Variants in POPDC3 observed in about 807,000 individuals in gnomAD.
The protein encoded by POPDC3 is popeye domain-containing protein 3.
Under a neutral mutation model 28.2 loss-of-function variants are expected in POPDC3, and 20 were observed. That is an observed-to-expected ratio of 0.71 (90% confidence interval 0.50 to 1.03). The LOEUF (loss-of-function observed/expected upper bound fraction) is 1.03, where lower values mean the gene tolerates loss of function less well. Ranked by LOEUF, POPDC3 falls within the 50% of genes least tolerant of loss-of-function variation. The probability of loss-of-function intolerance (pLI) is 0.00; values close to 1 mark genes in which losing one functional copy is unlikely to be tolerated. For synonymous variants in POPDC3, 118 were observed against 124.1 expected (o/e 0.95, Z 0.33); for missense variants, 316 against 345.9 (o/e 0.91, Z 0.69).
chr6:105,159,776 GGAA>G lies in POPDC3; in HGVS notation c.526_528del (p.Phe176del). ...TCAGGAGAATCCAGGAACTGAAGGG[GGAA>G]AATGTAATGCAGAAATTCGCCATCA... On this transcript the variant is annotated inframe_deletion, in exon 3 of 4. Transcript: ENST00000254765. 1 of 1,612,798 alleles carries G rather than the reference GGAA, an allele frequency of 6.2e-7. No individual in the cohort carries two copies. Among genetic ancestry groups the G allele is most frequent in the Non-Finnish European group, 8.5e-7 (1 of 1,179,262 alleles).
At chr6:105,167,844 C>T (rs753673114) in intron 1 of POPDC3, among the ~76,000 whole-genome samples, 1 of 151,746 alleles carries the variant, frequency 6.6e-6, no homozygotes, top group Non-Finnish European at 1.5e-5. Context: ...TAAGTAAAAC[C>T]TATTATTAAA....
intron 2 of POPDC3, among the ~76,000 whole-genome samples, chr6:105,161,037 C>T (rs1447132572): frequency 6.6e-6 from 1 of 152,156 alleles, no homozygotes; most frequent in Non-Finnish European, 1.5e-5. Context: ...TAAATGTTTT[C>T]TGTTACTTAA....
intron 1 of POPDC3, chr6:105,178,619 A>T: frequency 9.1e-6 from 4 of 441,288 alleles, no homozygotes; most frequent in Non-Finnish European, 1.2e-5. Context: ...CAGATTTTTC[A>T]GGACAGAACC....
chr6:105,167,498 C>T (rs1435527365), intron 1 of POPDC3, among the ~76,000 whole-genome samples: 1 of 152,038 alleles, frequency 6.6e-6, no homozygotes, highest in African/African-American at 2.4e-5. Flanking sequence ...TGTAATCCCA[C>T]CACTTTGGGA....
At position 105,158,628 on chromosome 6, in the gene POPDC3, C is replaced by T; in HGVS notation, c.718G>A (p.Ala240Thr). 1 of 1,614,054 alleles carries T rather than the reference C, an allele frequency of 6.2e-7. No homozygotes were observed. The highest frequency in any genetic ancestry group is 8.5e-7 in the Non-Finnish European group (1 of 1,179,990). ...TCATTCAAGGCATAGAGTTTATCTGCAATGTCACTGCCAATTAGCACTGAA... is the reference window on the plus strand; with the variant it reads ...TCATTCAAGGCATAGAGTTTATCTGTAATGTCACTGCCAATTAGCACTGAA... ...LFSVLIGSDI[A>T]DKLYALNDRV... The change falls in exon 4 of 4, where the codon GCA (alanine) becomes ACA (threonine). Residue 240 changes from alanine (A) to threonine (T), a missense_variant. Ala to Thr is a moderately conservative substitution (Grantham distance 58). Transcript: ENST00000254765.
chr6:105,173,419 C>G (rs1468993368), intron 1 of POPDC3, among the ~76,000 whole-genome samples: 3 of 152,166 alleles, frequency 2.0e-5, no homozygotes, highest in Non-Finnish European at 4.4e-5. Flanking sequence ...AACTTGAATT[C>G]TAACACCACC....
At chr6:105,161,325 C>A in intron 2 of POPDC3, 100 bp downstream of exon 2, 2 of 1,363,494 alleles carry the variant, frequency 1.5e-6, no homozygotes, top group Non-Finnish European at 2.0e-6. Flanking sequence ...GTGCTAAATG[C>A]CACCCAGGAC....
At chr6:105,175,499 C>T (rs140731677) in intron 1 of POPDC3, among the ~76,000 whole-genome samples, 124 of 150,974 alleles carry the variant, frequency 8.2e-4, no homozygotes, top group African/African-American at 2.8e-3. Context: ...GATCATGCCA[C>T]TACAGTCCAG....
At chr6:105,176,563 CGT>C (rs1491561690) in intron 1 of POPDC3, among the ~76,000 whole-genome samples, 3 of 151,354 alleles carry the variant, frequency 2.0e-5, no homozygotes, top group Admixed American at 6.6e-5. Flanking sequence ...TTTGACATAT[CGT>C]TTTTTTTTTA....
chr6:105,163,933 G>A (rs748403126), intron 1 of POPDC3, among the ~76,000 whole-genome samples: 2 of 151,996 alleles, frequency 1.3e-5, no homozygotes, highest in African/African-American at 4.8e-5. Flanking sequence ...TTGAAGACAG[G>A]CCAGCATCCT....
In POPDC3 at chr6:105,168,554, A is replaced by G. The variant is rs1482739536; in HGVS notation, c.-251-6394T>C. ...CTCTCATTTTATCACATACAGTGGT[A>G]GGCAGAATTCTAAGATGCTCTCAAC... On this transcript the variant is annotated intron_variant, in intron 1 of 3. Transcript: ENST00000254765. Among the ~76,000 whole-genome samples the G allele has an allele frequency of 2.6e-5, 4 of 152,356 alleles. No individual in the cohort carries two copies. The South Asian group carries it at 6.2e-4, about 24-fold the overall frequency.
At chr6:105,159,331 A>C (rs981554991) in intron 3 of POPDC3, among the ~76,000 whole-genome samples, 6 of 152,228 alleles carry the variant, frequency 3.9e-5, no homozygotes. Context: ...TGGCATTTTA[A>C]ATTTTAAAAA....
intron 1 of POPDC3, among the ~76,000 whole-genome samples, 157 bp from the exon 2 acceptor site, chr6:105,162,317 A>G (rs987147740): frequency 6.6e-6 from 1 of 152,222 alleles, no homozygotes; most frequent in African/African-American, 2.4e-5. Context: ...TTAAATTTCT[A>G]TGGTATAAAA....
intron 1 of POPDC3, among the ~76,000 whole-genome samples, chr6:105,171,518 A>C (rs1774577123): frequency 6.6e-6 from 1 of 152,020 alleles, no homozygotes. Context: ...AAAAATTAAA[A>C]GAATTTGTTG....
intron 1 of POPDC3, among the ~76,000 whole-genome samples, chr6:105,166,170 TG>T (rs756600226): frequency 1.3e-5 from 2 of 152,104 alleles, no homozygotes; most frequent in East Asian, 3.8e-4. Context: ...ATTGGTAAAA[TG>T]AAAGAATTGG....
At chr6:105,166,117 C>G (rs1425241565) in intron 1 of POPDC3, among the ~76,000 whole-genome samples, 1 of 152,092 alleles carries the variant, frequency 6.6e-6, no homozygotes, top group African/African-American at 2.4e-5. Flanking sequence ...AGCTGTATCC[C>G]TAGATAGCTA....
intron 1 of POPDC3, chr6:105,179,214 G>T: frequency 2.0e-6 from 2 of 985,360 alleles, no homozygotes; most frequent in Non-Finnish European, 2.4e-6. Context: ...TTTTTTGGCA[G>T]GGGGATCCCC....
intron 1 of POPDC3, chr6:105,178,768 G>A: frequency 1.0e-6 from 1 of 985,232 alleles, no homozygotes; most frequent in Non-Finnish European, 1.2e-6. Flanking sequence ...ACAATGCCAA[G>A]TTATTGTACT....
rs1774253568 is a variant in POPDC3 at position 105,158,766 on chromosome 6, A to C, written c.595-15T>G. The C allele has an allele frequency of 6.3e-7, 1 of 1,589,656 alleles. No homozygotes were observed. Among genetic ancestry groups the C allele is most frequent in the Non-Finnish European group, 8.6e-7 (1 of 1,165,240 alleles). ...GTGAGGGTTACCTAAAAAACACAAGACCACACATAAACAGATGTGGAAGCA... is the reference window on the plus strand; with the variant it reads ...GTGAGGGTTACCTAAAAAACACAAGCCCACACATAAACAGATGTGGAAGCA... On this transcript the variant is annotated splice_polypyrimidine_tract_variant and intron_variant, in intron 3 of 3. Coordinates refer to ENST00000254765, the MANE Select transcript of POPDC3 (RefSeq NM_022361.5).
Sources: gnomAD v4.1 joint callset for allele counts (sites outside exome capture counted in the v4.1 genomes callset) on GRCh38, gnomAD v4.1.1 for gene constraint, MANE v1.5 for transcripts, NCBI Gene and HGNC (gene_info 2026-07-23, HGNC 2026-07-21) for gene names.